Variants in HIF1A observed in about 807,000 individuals in gnomAD.
HIF1A encodes the protein hypoxia-inducible factor 1-alpha.
Under a neutral mutation model 92.7 loss-of-function variants are expected in HIF1A, and 24 were observed. The observed-to-expected ratio is 0.26, with a 90% CI of 0.19 to 0.36. HIF1A has a LOEUF of 0.36. Among genes scored for constraint, HIF1A ranks in the 10% least tolerant of loss-of-function variants. HIF1A has a pLI of 1.00. For synonymous variants in HIF1A, 319 were observed against 338.7 expected, an observed-to-expected ratio of 0.94 and a Z score of 0.64; for missense variants, 799 against 998.5, an observed-to-expected ratio of 0.80 and a Z score of 2.69.
chr14:61,696,658 AT>A (rs1410802952), intron 1 of HIF1A, among the ~76,000 whole-genome samples: 8 of 152,336 alleles, frequency 5.3e-5, no homozygotes, highest in African/African-American at 1.9e-4. Context: ...TATATGCCTC[AT>A]TCATTCTTCA....
rs750034759 is a variant in HIF1A at position 61,738,309 on chromosome 14, T to C, written c.1472T>C (p.Met491Thr). Residue 491 changes from methionine (M) to threonine (T), a missense_variant, in exon 10 of 15, where the codon ATG (methionine) becomes ACG (threonine). By Grantham distance (81) the Met-to-Thr change is moderately conservative. This residue lies in a region of HIF1A where 516 missense variants were observed against 721.0 expected (regional missense o/e 0.72). Coordinates refer to ENST00000337138, the MANE Select transcript of HIF1A (RefSeq NM_001530.4). ...GAGTCACTGGAACTTTCTTTTACCATGCCCCAGATTCAGGATCAGACACCT... is the reference window on the plus strand; with the variant it reads ...GAGTCACTGGAACTTTCTTTTACCACGCCCCAGATTCAGGATCAGACACCT... ...NPESLELSFT[M>T]PQIQDQTPSP... 5 of 1,614,136 alleles carry C rather than the reference T, an allele frequency of 3.1e-6. No individual in the cohort carries two copies. The highest frequency in any genetic ancestry group is 1.1e-5 in the South Asian group (1 of 91,076).
intron 10 of HIF1A, among the ~76,000 whole-genome samples, chr14:61,739,306 A>G (rs912222294): frequency 6.6e-6 from 1 of 152,228 alleles, no homozygotes; most frequent in African/African-American, 2.4e-5. Flanking sequence ...TAGGCTGGCC[A>G]AGACTTAGAG....
chr14:61,727,222 T>C (rs2044516563), intron 5 of HIF1A, among the ~76,000 whole-genome samples: 1 of 152,220 alleles, frequency 6.6e-6, no homozygotes, highest in South Asian at 2.1e-4. Flanking sequence ...GCCTAGACTT[T>C]ATACGAGGGG....
intron 1 of HIF1A, among the ~76,000 whole-genome samples, chr14:61,714,641 G>A (rs1481940825): frequency 6.6e-6 from 1 of 152,102 alleles, no homozygotes; most frequent in African/African-American, 2.4e-5. Context: ...GTTAGCTTTA[G>A]GTATAGATCT....
At chr14:61,742,376 C>T (rs8020184) in intron 12 of HIF1A, among the ~76,000 whole-genome samples, 132,510 of 152,172 alleles carry the variant, frequency 0.87, 58,950 homozygotes, top group Non-Finnish European at 0.96. Flanking sequence ...GCCTAACATT[C>T]CCACCTTGAC....
rs775520128 is a variant in HIF1A at position 61,738,171 on chromosome 14, A to G, written c.1334A>G (p.Asn445Ser). 1 of 1,614,030 alleles carries G rather than the reference A, an allele frequency of 6.2e-7. No individual in the cohort carries two copies. The highest frequency in any genetic ancestry group is 1.3e-5 in the African/African-American group (1 of 74,904). The change falls in exon 10 of 15, where the codon AAT (asparagine) becomes AGT (serine). Residue 445 changes from asparagine (N) to serine (S), a missense_variant. Asn to Ser is a conservative substitution (Grantham distance 46). Around this residue, in one of 2 missense-constraint regions of HIF1A, gnomAD observed 516 missense variants for 721.0 expected, o/e 0.72. Coordinates refer to ENST00000337138, the MANE Select transcript of HIF1A (RefSeq NM_001530.4). ...CCCTCACCCAACGAAAAATTACAGAATATAAATTTGGCAATGTCTCCATTA... is the reference window on the plus strand; with the variant it reads ...CCCTCACCCAACGAAAAATTACAGAGTATAAATTTGGCAATGTCTCCATTA... ...MLPSPNEKLQ[N>S]INLAMSPLPT...
rs1566570604 is a variant in HIF1A, at chr14:61,727,433, G to A, written c.571-20G>A. ...AGCATTGTAAATATTTTTTTTAACT[G>A]CTTTGTTCTTCATACACAGGTATTG... On this transcript the variant is annotated intron_variant, in intron 5 of 14. Coordinates refer to ENST00000337138, the MANE Select transcript of HIF1A (RefSeq NM_001530.4). 3 of 1,562,460 alleles carry A rather than the reference G, an allele frequency of 1.9e-6. No homozygotes were observed. The Admixed American group carries it at 5.1e-5, about 27-fold the overall frequency.
intron 12 of HIF1A, among the ~76,000 whole-genome samples, chr14:61,741,669 C>A (rs920250914): frequency 3.3e-5 from 5 of 152,036 alleles, no homozygotes; most frequent in African/African-American, 1.2e-4. Flanking sequence ...ATGCCCGCTC[C>A]TATTTTTTCT....
At chr14:61,702,029 G>GTGGTGTACA (rs1358534193) in intron 1 of HIF1A, among the ~76,000 whole-genome samples, 1 of 152,012 alleles carries the variant, frequency 6.6e-6, no homozygotes, top group Non-Finnish European at 1.5e-5. Flanking sequence ...ATACTGGTAC[G>GTGGTGTACA]TGGTGTACAC....
At chr14:61,697,247 T>A (rs890478598) in intron 1 of HIF1A, among the ~76,000 whole-genome samples, 1 of 152,156 alleles carries the variant, frequency 6.6e-6, no homozygotes, top group Non-Finnish European at 1.5e-5. Context: ...CTTATAAAAT[T>A]CAAAAAGTGA....
intron 1 of HIF1A, among the ~76,000 whole-genome samples, chr14:61,709,606 G>A (rs1594861170): frequency 5.3e-5 from 8 of 152,154 alleles, no homozygotes; most frequent in Admixed American, 3.9e-4. Context: ...TTGTTGTGCC[G>A]TTTAGATAAT....
At chr14:61,733,687 T>C (rs1461194367) in intron 7 of HIF1A, among the ~76,000 whole-genome samples, 1 of 152,224 alleles carries the variant, frequency 6.6e-6, no homozygotes, top group East Asian at 1.9e-4. Context: ...TTAATTTAAA[T>C]TGCCAAAAGA....
rs987395916 is a variant in HIF1A, at chr14:61,734,053, A to G, written c.881-85A>G. The G allele has an allele frequency of 7.8e-6, 7 of 895,062 alleles. No homozygotes were observed. In the African/African-American group the frequency reaches 8.7e-5, roughly 11 times the overall value. The allele number at this position is 895,062 out of a possible 1,614,324, so 55.4% of individuals were successfully genotyped here. On this transcript the variant is annotated intron_variant, in intron 7 of 14. Transcript: ENST00000337138. ...TAAACATTTGTTTTCCAAAACAATGATGAACATTCAGCATCTGTTCATTTA... is the reference window on the plus strand; with the variant it reads ...TAAACATTTGTTTTCCAAAACAATGGTGAACATTCAGCATCTGTTCATTTA...
chr14:61,708,451 T>G (rs2044268559), intron 1 of HIF1A, among the ~76,000 whole-genome samples: 1 of 152,210 alleles, frequency 6.6e-6, no homozygotes, highest in Non-Finnish European at 1.5e-5. Context: ...AACATTTAAG[T>G]CTTTAATCCA....
intron 1 of HIF1A, chr14:61,697,885 T>C (rs2044134455): frequency 3.3e-6 from 5 of 1,520,328 alleles, no homozygotes; most frequent in Non-Finnish European, 4.4e-6. Context: ...GAAAACAAAT[T>C]TGTCTTTTTA....
chr14:61,742,588 A>G (rs1240814435), intron 12 of HIF1A, among the ~76,000 whole-genome samples: 1 of 152,130 alleles, frequency 6.6e-6, no homozygotes, highest in East Asian at 1.9e-4. Flanking sequence ...GTACTTCCTC[A>G]ATAAATGGTT....
chr14:61,743,139 T>A (rs2044734343), intron 12 of HIF1A, among the ~76,000 whole-genome samples: 1 of 152,136 alleles, frequency 6.6e-6, no homozygotes, highest in African/African-American at 2.4e-5. Context: ...ATCTCGGATC[T>A]TGGCTCACCG....
chr14:61,738,571 C>T (rs2044667702), intron 10 of HIF1A, among the ~76,000 whole-genome samples, 198 bp downstream of exon 10: 1 of 152,156 alleles, frequency 6.6e-6, no homozygotes, highest in South Asian at 2.1e-4. Context: ...CAAAGATAGT[C>T]AGGAACATGG....
rs1337832965 is a variant in HIF1A at position 61,695,680 on chromosome 14, G to A, written c.-125G>A. The A allele has an allele frequency of 1.9e-6, 2 of 1,034,308 alleles. No homozygotes were observed. Among genetic ancestry groups the A allele is most frequent in the Non-Finnish European group, 1.4e-6 (1 of 716,640 alleles). The allele number at this position is 1,034,308 out of a possible 1,614,324, so 64.1% of individuals were successfully genotyped here. A position where few individuals can be genotyped will look rare whatever the true frequency, so the allele number is the denominator to read the frequency against. On this transcript the variant is annotated 5_prime_UTR_variant, in exon 1 of 15. Transcript: ENST00000337138. ...TCTCTAGTCTCACGAGGGGTTTCCC[G>A]CCTCGCACCCCCACCTCTGGACTTG...
Sources: gnomAD v4.1 joint callset for allele counts (sites outside exome capture counted in the v4.1 genomes callset) on GRCh38, gnomAD v4.1.1 for gene constraint, gnomAD v4.1.1 regional missense constraint, MANE v1.5 for transcripts, NCBI Gene and HGNC (gene_info 2026-07-23, HGNC 2026-07-21) for gene names.